The following CNTNAP5 variants were observed in gnomAD, a reference collection of about 807,000 sequenced individuals.
The protein encoded by CNTNAP5 is contactin associated protein family member 5.
Under a neutral mutation model 150.2 loss-of-function variants are expected in CNTNAP5, and 72 were observed. The ratio of observed to expected loss-of-function variants is 0.48; its 90% CI spans 0.40 to 0.58. CNTNAP5 has a LOEUF of 0.58. Ranked by LOEUF, CNTNAP5 falls within the 20% of genes least tolerant of loss-of-function variation. The pLI, the probability that CNTNAP5 is intolerant of heterozygous loss-of-function variation, is 0.00. For synonymous variants in CNTNAP5, 672 were observed against 619.8 expected, an observed-to-expected ratio of 1.08 and a Z score of -1.25; for missense variants, 1,636 against 1,626.2, an observed-to-expected ratio of 1.01 and a Z score of -0.10.
At chr2:124,033,331 C>T (rs925886347) in intron 1 of CNTNAP5, among the ~76,000 whole-genome samples, 1 of 152,196 alleles carries the variant, frequency 6.6e-6, no homozygotes, top group South Asian at 2.1e-4. Context: ...TAAAGGCAAT[C>T]CAAAGCAAAT....
chr2:124,555,366 G>C (rs914534824), intron 10 of CNTNAP5, among the ~76,000 whole-genome samples: 1 of 152,150 alleles, frequency 6.6e-6, no homozygotes, highest in Non-Finnish European at 1.5e-5. Flanking sequence ...GGTGACTGTG[G>C]TGGAGCACTT....
intron 13 of CNTNAP5, among the ~76,000 whole-genome samples, chr2:124,689,039 A>G (rs1027689978): frequency 6.6e-6 from 1 of 152,274 alleles, no homozygotes; most frequent in East Asian, 1.9e-4. Context: ...GTCTTCTTAA[A>G]TGAACACAAC....
chr2:124,151,201 C>T (rs879581498), intron 1 of CNTNAP5, among the ~76,000 whole-genome samples: 2 of 152,060 alleles, frequency 1.3e-5, no homozygotes, highest in Non-Finnish European at 2.9e-5. Flanking sequence ...TGAATTGGGC[C>T]GGAGCTCCCA....
intron 7 of CNTNAP5, among the ~76,000 whole-genome samples, chr2:124,502,391 A>G (rs1242816518): frequency 3.3e-5 from 5 of 152,176 alleles, no homozygotes; most frequent in Non-Finnish European, 7.3e-5. Flanking sequence ...GATCCAGAGA[A>G]CACTCAGAAG....
intron 3 of CNTNAP5, among the ~76,000 whole-genome samples, chr2:124,246,550 C>A (rs1239964110): frequency 6.6e-6 from 1 of 152,088 alleles, no homozygotes; most frequent in East Asian, 1.9e-4. Flanking sequence ...GCAACATGAG[C>A]CAATGCTTGG....
intron 1 of CNTNAP5, among the ~76,000 whole-genome samples, chr2:124,149,858 G>A (rs574482420): frequency 1.7e-4 from 26 of 152,328 alleles, no homozygotes; most frequent in South Asian, 1.4e-3. Flanking sequence ...CTTGGCATCC[G>A]TGAACAGTGC....
intron 1 of CNTNAP5, among the ~76,000 whole-genome samples, chr2:124,052,384 T>G (rs1681721897): frequency 6.6e-6 from 1 of 152,048 alleles, no homozygotes; most frequent in Non-Finnish European, 1.5e-5. Context: ...AGCGAGGAAA[T>G]GCTCAGATGT....
At chr2:124,343,565 T>A (rs1432554118) in intron 3 of CNTNAP5, among the ~76,000 whole-genome samples, 4 of 152,188 alleles carry the variant, frequency 2.6e-5, no homozygotes, top group Non-Finnish European at 5.9e-5. Context: ...GATATTCATG[T>A]AGCCAGAGTG....
At chr2:124,866,855 CTTA>C (rs1165492588) in intron 20 of CNTNAP5, among the ~76,000 whole-genome samples, 1 of 152,158 alleles carries the variant, frequency 6.6e-6, no homozygotes, top group Non-Finnish European at 1.5e-5. Context: ...CTCCTCTTTA[CTTA>C]TACTGCTAAC....
chr2:124,451,075 TATAC>T (rs1287945329), intron 6 of CNTNAP5, among the ~76,000 whole-genome samples: 21 of 81,802 alleles, frequency 2.6e-4, no homozygotes, highest in Non-Finnish European at 2.6e-4. Flanking sequence ...TATATATATA[TATAC>T]ACACACACAC....
chr2:124,232,979 C>CT (rs1164452967), intron 2 of CNTNAP5, among the ~76,000 whole-genome samples: 1 of 151,046 alleles, frequency 6.6e-6, no homozygotes, highest in Non-Finnish European at 1.5e-5. Flanking sequence ...TTACAAGATC[C>CT]TTTACCCTAT....
In CNTNAP5 at chr2:124,148,363, C is replaced by T. The variant is rs1342213586; in HGVS notation, c.83-73342C>T. Among the ~76,000 whole-genome samples the T allele has an allele frequency of 2.7e-5, 4 of 150,200 alleles. No homozygotes were observed. The East Asian group carries it at 7.8e-4, about 29-fold the overall frequency. On this transcript the variant is annotated intron_variant, in intron 1 of 23. Coordinates refer to ENST00000682447, the MANE Select transcript of CNTNAP5 (RefSeq NM_001367498.1). ...AGTTTTGGTTTCCACATTCCAAAAACTAATTGAGAAAACATTTTACTATGG... is the reference window on the plus strand; with the variant it reads ...AGTTTTGGTTTCCACATTCCAAAAATTAATTGAGAAAACATTTTACTATGG...
chr2:124,587,203 G>C (rs1187205219), intron 11 of CNTNAP5, among the ~76,000 whole-genome samples: 2 of 152,128 alleles, frequency 1.3e-5, no homozygotes, highest in African/African-American at 4.8e-5. Flanking sequence ...AGTTCCATGT[G>C]CTATAATCAT....
chr2:124,025,780 C>T, intron 1 of CNTNAP5, 48 bp downstream of exon 1: 1 of 1,429,938 alleles, frequency 7.0e-7, no homozygotes, highest in East Asian at 2.3e-5. Context: ...AAAACGATCG[C>T]ATTCAGAAAG....
intron 19 of CNTNAP5, among the ~76,000 whole-genome samples, chr2:124,822,793 T>C (rs1682517985): frequency 6.6e-6 from 1 of 152,208 alleles, no homozygotes; most frequent in Non-Finnish European, 1.5e-5. Flanking sequence ...GGGTATTCTT[T>C]TAGACAGTGT....
intron 12 of CNTNAP5, among the ~76,000 whole-genome samples, chr2:124,641,024 G>T (rs1331453393): frequency 6.6e-6 from 1 of 151,530 alleles, no homozygotes; most frequent in Non-Finnish European, 1.5e-5. Flanking sequence ...TACTTGGAAG[G>T]CTGAGGCAAG....
chr2:124,082,595 A>T (rs560669668), intron 1 of CNTNAP5, among the ~76,000 whole-genome samples: 1 of 152,340 alleles, frequency 6.6e-6, no homozygotes, highest in East Asian at 1.9e-4. Context: ...TTGAGCCATT[A>T]CAAACAAGAC....
chr2:124,348,082 G>A (rs553742860), intron 3 of CNTNAP5, among the ~76,000 whole-genome samples: 4 of 151,982 alleles, frequency 2.6e-5, no homozygotes, highest in Non-Finnish European at 2.9e-5. Flanking sequence ...CGCCCGCGTC[G>A]GCCTCCCTGA....
intron 7 of CNTNAP5, among the ~76,000 whole-genome samples, chr2:124,480,193 A>G (rs1693733156): frequency 6.6e-6 from 1 of 152,192 alleles, no homozygotes; most frequent in East Asian, 1.9e-4. Context: ...TAAATATATT[A>G]CAAACTTAAT....
Sources: gnomAD v4.1 joint callset for allele counts (sites outside exome capture counted in the v4.1 genomes callset) on GRCh38, gnomAD v4.1.1 for gene constraint, MANE v1.5 for transcripts, NCBI Gene and HGNC (gene_info 2026-07-23, HGNC 2026-07-21) for gene names.